Variants in CACNA2D4 observed in about 807,000 individuals in gnomAD.
CACNA2D4 encodes voltage-dependent calcium channel subunit alpha-2/delta-4.
In CACNA2D4, 157 loss-of-function variants were observed where a neutral mutation model predicts 163.8. That is an observed-to-expected ratio of 0.96 (90% CI 0.84 to 1.09). The LOEUF (loss-of-function observed/expected upper bound fraction) is 1.09, where lower values mean the gene tolerates loss of function less well. Among genes scored for constraint, CACNA2D4 ranks in the 50% least tolerant of loss-of-function variants. The pLI, the probability that CACNA2D4 is intolerant of heterozygous loss-of-function variation, is 0.00. For synonymous variants in CACNA2D4, 598 were observed against 586.9 expected (o/e 1.02, Z -0.27); for missense variants, 1,410 against 1,479.9 (o/e 0.95, Z 0.78).
Position 1,856,219 on chromosome 12 carries a change from G to A in CACNA2D4, c.2019C>T (p.Asp673=), listed in dbSNP as rs1165262800. The change falls in exon 21 of 38, where the codon GAC becomes GAT. Residue 673 remains aspartate (D), a synonymous_variant. Coordinates refer to ENST00000382722, the MANE Select transcript of CACNA2D4 (RefSeq NM_172364.5). ...CCAGGGCCAGGTCTGGGTGAAGCAAGTCATGCAGGCCTGAAACCAGAGTCC... is the reference window on the plus strand; with the variant it reads ...CCAGGGCCAGGTCTGGGTGAAGCAAATCATGCAGGCCTGAAACCAGAGTCC... ...GNTSVEEGLH[D]LLHPDLALAG... 15 of 1,614,044 alleles carry A rather than the reference G, an allele frequency of 9.3e-6. No homozygotes were observed. The highest frequency in any genetic ancestry group is 1.6e-4 in the Middle Eastern group (1 of 6,062).
rs1486187845 is a variant in CACNA2D4, at chr12:1,833,031, G to A, written c.2551+7708C>T. 1.3e-5 allele frequency among the ~76,000 whole-genome samples: 2 copies of A among 152,162 alleles called. No homozygotes were observed. The highest frequency in any genetic ancestry group is 2.9e-5 in the Non-Finnish European group (2 of 68,036). On this transcript the variant is annotated intron_variant, in intron 26 of 37. Coordinates refer to ENST00000382722, the MANE Select transcript of CACNA2D4 (RefSeq NM_172364.5). The surrounding 1 kb of genome is among the most constrained non-coding windows in gnomAD (Gnocchi z 4.2). The stretch of plus-strand genomic sequence containing the variant: ...GTCAGCCGCACAGGGGAACTAGGCC[G>A]GGTGTCTTCAGACCCTCCTCTCCTG...
Position 1,907,966 on chromosome 12 carries a change from C to A in CACNA2D4, c.558G>T (p.Glu186Asp). The change falls in exon 5 of 38, where the codon GAG becomes GAT. Residue 186 changes from glutamate (E) to aspartate (D), a missense_variant. Coordinates refer to ENST00000382722, the MANE Select transcript of CACNA2D4 (RefSeq NM_172364.5). ...AGTGAGCATTGGACTCCAGGAGGAACTCGGCGCCCAGCTCCACGAAGTTGC... is the reference window on the plus strand; with the variant it reads ...AGTGAGCATTGGACTCCAGGAGGAAATCGGCGCCCAGCTCCACGAAGTTGC... ...EKGNFVELGA[E>D]FLLESNAHFS... 2 of 1,614,040 alleles carry A rather than the reference C, an allele frequency of 1.2e-6. No homozygotes were observed. The highest frequency in any genetic ancestry group is 1.7e-6 in the Non-Finnish European group (2 of 1,179,886).
rs369739030 is a variant in CACNA2D4, at chr12:1,828,225, C to T, written c.2551+12514G>A. 23 of 1,537,620 alleles carry T rather than the reference C, an allele frequency of 1.5e-5. No individual in the cohort carries two copies. The highest frequency in any genetic ancestry group is 2.5e-5 in the East Asian group (1 of 40,058). On this transcript the variant is annotated intron_variant, in intron 26 of 37. Transcript: ENST00000382722. The surrounding 1 kb of genome is among the most constrained non-coding windows in gnomAD (Gnocchi z 4.2). ...TGGAGGCAAGTCTCCTGTGAGTACA[C>T]CCCTGGCCTCGGAGGGGGGTGCGGG...
In CACNA2D4 at chr12:1,834,044, C is replaced by T. The variant is rs149880077; in HGVS notation, c.2551+6695G>A. ...CAATATCCATTTCACATGGCTTCTGCGAGGATGAAATGGCACGATATACGT... is the reference window on the plus strand; with the variant it reads ...CAATATCCATTTCACATGGCTTCTGTGAGGATGAAATGGCACGATATACGT... On this transcript the variant is annotated intron_variant, in intron 26 of 37. Transcript: ENST00000382722. The surrounding 1 kb of genome is among the most constrained non-coding windows in gnomAD (Gnocchi z 7.6). Among the ~76,000 whole-genome samples, 6 of 152,292 alleles carry T rather than the reference C, an allele frequency of 3.9e-5. No homozygotes were observed. Among genetic ancestry groups the T allele is most frequent in the South Asian group, 2.1e-4 (1 of 4,830 alleles).
At chr12:1,912,622 C>T (rs1438389941) in intron 3 of CACNA2D4, among the ~76,000 whole-genome samples, 1 of 152,174 alleles carries the variant, frequency 6.6e-6, no homozygotes, top group Non-Finnish European at 1.5e-5. Context: ...CCAGCTAGCT[C>T]GACTCCCACC....
intron 2 of CACNA2D4, among the ~76,000 whole-genome samples, chr12:1,913,557 T>C (rs1053511532): frequency 6.6e-6 from 1 of 152,204 alleles, no homozygotes; most frequent in Non-Finnish European, 1.5e-5. Context: ...CAGTTCACCT[T>C]TCCTCAATGT....
intron 4 of CACNA2D4, among the ~76,000 whole-genome samples, chr12:1,908,870 C>T (rs986019536): frequency 1.1e-4 from 16 of 148,224 alleles, no homozygotes; most frequent in African/African-American, 3.8e-4. Context: ...CACGCCAACT[C>T]CCACGCCGGA....
At chr12:1,794,986 T>C in intron 37 of CACNA2D4, 10 of 459,460 alleles carry the variant, frequency 2.2e-5, no homozygotes, top group South Asian at 4.9e-5. Context: ...ATTCCAAGGG[T>C]CTTAGAGGCA....
At position 1,798,108 on chromosome 12, in the gene CACNA2D4, G is replaced by C. The variant is rs1298429329; in HGVS notation, c.2996-573C>G. On this transcript the variant is annotated intron_variant, in intron 34 of 37. Coordinates refer to ENST00000382722, the MANE Select transcript of CACNA2D4 (RefSeq NM_172364.5). The surrounding 1 kb of genome is among the most constrained non-coding windows in gnomAD (Gnocchi z 4.3). ...GGAAGCCCAGAAGCCACAGCCACCC[G>C]GTGCGGGACTCCTCGGGGGCTGCGC... Among the ~76,000 whole-genome samples the C allele has an allele frequency of 6.6e-6, 1 of 152,210 alleles. No homozygotes were observed. The highest frequency in any genetic ancestry group is 1.5e-5 in the Non-Finnish European group (1 of 68,012).
At position 1,845,755 on chromosome 12, in the gene CACNA2D4, C is replaced by T. The variant is rs11834534; in HGVS notation, c.2342+839G>A. Among the ~76,000 whole-genome samples the T allele has an allele frequency of 3.9e-3, 600 of 152,308 alleles. 2 individuals carry two copies. Among genetic ancestry groups the T allele is most frequent in the African/African-American group, 0.014 (579 of 41,564 alleles). ...AGCCCCTGATTCCCCCAGAACCCAG[C>T]CTTGGCTTAGAGCAGGGTTTCTCAG... On this transcript the variant is annotated intron_variant, in intron 24 of 37. Coordinates refer to ENST00000382722, the MANE Select transcript of CACNA2D4 (RefSeq NM_172364.5).
At chr12:1,882,464 G>A (rs984506218) in intron 13 of CACNA2D4, among the ~76,000 whole-genome samples, 1 of 140,472 alleles carries the variant, frequency 7.1e-6, no homozygotes. Flanking sequence ...AAAATGCAGG[G>A]ACCCAGGAAG....
chr12:1,872,596 C>T (rs1031177783), intron 18 of CACNA2D4, among the ~76,000 whole-genome samples: 4 of 152,132 alleles, frequency 2.6e-5, no homozygotes, highest in African/African-American at 4.8e-5. Context: ...GACCATGGGG[C>T]GGTTGGATGG....
chr12:1,878,880 A>T lies in CACNA2D4; in HGVS notation c.1644+76T>A. The T allele has an allele frequency of 7.3e-7, 1 of 1,375,758 alleles. No homozygotes were observed. The highest frequency in any genetic ancestry group is 1.0e-6 in the Non-Finnish European group (1 of 986,336). 85.2% of individuals were successfully genotyped at this position (1,375,758 alleles called of 1,614,324 possible). On this transcript the variant is annotated intron_variant, in intron 15 of 37. Transcript: ENST00000382722. This position sits in a 1 kb window ranked among gnomAD's most constrained non-coding sequence, Gnocchi z 4.6. Reference sequence around the variant, plus strand: ...AGCTCTGGGCTTGGCTTGCCTGGAGAGAGGCTCCCATCACGGGGGAGGGAG... The same window carrying T: ...AGCTCTGGGCTTGGCTTGCCTGGAGTGAGGCTCCCATCACGGGGGAGGGAG...
At chr12:1,864,624 A>C (rs944888735) in intron 18 of CACNA2D4, among the ~76,000 whole-genome samples, 5 of 152,174 alleles carry the variant, frequency 3.3e-5, no homozygotes, top group Admixed American at 1.3e-4. Context: ...GAGAACGAGG[A>C]GGCCCAGTCC....
chr12:1,901,012 C>A (rs954002813), intron 6 of CACNA2D4, among the ~76,000 whole-genome samples: 1 of 151,936 alleles, frequency 6.6e-6, no homozygotes, highest in Admixed American at 6.6e-5. Flanking sequence ...TCTCTGATCA[C>A]AATGGAATAA....
chr12:1,897,635 T>C (rs1270002246), intron 6 of CACNA2D4, among the ~76,000 whole-genome samples: 1 of 152,168 alleles, frequency 6.6e-6, no homozygotes, highest in Non-Finnish European at 1.5e-5. Context: ...GTAAAAGCTA[T>C]AAACTATTTT....
intron 20 of CACNA2D4, 101 bp downstream of exon 20, chr12:1,858,476 G>C: frequency 2.0e-6 from 2 of 991,846 alleles, no homozygotes; most frequent in Admixed American, 1.9e-5. Context: ...GGAGCTGGGA[G>C]GCTGTCACAC....
intron 6 of CACNA2D4, among the ~76,000 whole-genome samples, chr12:1,904,882 G>T (rs1866619254): frequency 6.6e-6 from 1 of 151,974 alleles, no homozygotes; most frequent in Admixed American, 6.6e-5. Context: ...CAAAATGATG[G>T]AAATAAGTCC....
intron 23 of CACNA2D4, 39 bp from the exon 24 acceptor site, chr12:1,846,728 T>G: frequency 6.6e-7 from 1 of 1,511,678 alleles, no homozygotes. Flanking sequence ...ACCACATGGC[T>G]GTGGCAAGAG....
Sources: allele counts gnomAD v4.1 joint callset (sites outside exome capture counted in the v4.1 genomes callset), GRCh38; gene constraint gnomAD v4.1.1; non-coding constraint Gnocchi (gnomAD v3.1); transcripts MANE v1.5; gene names NCBI Gene and HGNC (gene_info 2026-07-23, HGNC 2026-07-21).